The following CD163L1 variants were observed in gnomAD, a reference collection of about 807,000 sequenced individuals.
CD163L1 encodes scavenger receptor cysteine-rich type 1 protein M160.
CD163L1 carries 124 observed loss-of-function variants against 165.4 expected under a neutral mutation model. The observed-to-expected ratio is 0.75, with a 90% CI of 0.65 to 0.87. CD163L1 has a LOEUF of 0.87. Among genes scored for constraint, CD163L1 ranks in the 40% least tolerant of loss-of-function variants. The pLI is 0.00. For synonymous variants in CD163L1, 585 were observed against 662.2 expected, an observed-to-expected ratio of 0.88 and a Z score of 1.79; for missense variants, 1,525 against 1,799.9, an observed-to-expected ratio of 0.85 and a Z score of 2.76.
At chr12:7,439,022 T>C (rs1447671918) in intron 2 of CD163L1, 3 of 1,606,116 alleles carry the variant, frequency 1.9e-6, no homozygotes, top group Non-Finnish European at 2.5e-6. Flanking sequence ...GCCTCTGACA[T>C]CGGTATCCTC....
chr12:7,441,671 G>C (rs933332153), intron 1 of CD163L1, among the ~76,000 whole-genome samples: 1 of 152,066 alleles, frequency 6.6e-6, no homozygotes, highest in African/African-American at 2.4e-5. Flanking sequence ...TATGACATAT[G>C]TACCCGATCT....
intron 8 of CD163L1, among the ~76,000 whole-genome samples, chr12:7,381,922 TG>T (rs1947417201): frequency 6.6e-6 from 1 of 150,812 alleles, no homozygotes; most frequent in Non-Finnish European, 1.5e-5. Flanking sequence ...CATAAAAAGG[TG>T]ACATCATATT....
At chr12:7,435,117 T>C (rs958095075) in intron 2 of CD163L1, among the ~76,000 whole-genome samples, 64 of 152,248 alleles carry the variant, frequency 4.2e-4, no homozygotes, top group African/African-American at 1.5e-3. Context: ...TATATTCTAA[T>C]ATGATTGATA....
At chr12:7,337,592 A>G in the CD163L1 span, among the ~76,000 whole-genome samples, 1 of 152,198 alleles carries the variant, frequency 6.6e-6, no homozygotes, top group African/African-American at 2.4e-5. Flanking sequence ...GTCATTAGAG[A>G]AATGCAAATC....
intron 4 of CD163L1, among the ~76,000 whole-genome samples, chr12:7,419,494 A>G (rs1244029158): frequency 6.6e-6 from 1 of 151,876 alleles, no homozygotes; most frequent in East Asian, 1.9e-4. Flanking sequence ...CATAGTACTG[A>G]AAGCCTTAGC....
chr12:7,322,541 G>T, the CD163L1 span: 1 of 1,612,794 alleles, frequency 6.2e-7, no homozygotes, highest in Admixed American at 1.7e-5. Flanking sequence ...AGACGGAAGT[G>T]GTATATCTAA....
chr12:7,444,006 A>G (rs1414520756), intron 1 of CD163L1, 91 bp downstream of exon 1: 5 of 1,249,434 alleles, frequency 4.0e-6, no homozygotes, highest in Non-Finnish European at 3.5e-6. Context: ...TTACCTTACT[A>G]CATAATATTT....
At chr12:7,437,271 T>TTTAAA (rs1565820231) in intron 2 of CD163L1, among the ~76,000 whole-genome samples, 1 of 10,706 alleles carries the variant, frequency 9.3e-5, no homozygotes, top group Non-Finnish European at 7.6e-4. Context: ...TTTAAAAGTA[T>TTTAAA]TACTTTTTAT....
the CD163L1 span, among the ~76,000 whole-genome samples, chr12:7,321,887 A>G: frequency 6.6e-6 from 1 of 152,238 alleles, no homozygotes; most frequent in Non-Finnish European, 1.5e-5. Flanking sequence ...TGTAAGTGAC[A>G]TGCTTGGTGA....
rs1387093050 is a variant in CD163L1 at position 7,374,669 on chromosome 12, C to T, written c.3182G>A (p.Cys1061Tyr). Residue 1061 changes from cysteine (C) to tyrosine (Y), a missense_variant, in exon 13 of 20, where the codon TGT becomes TAT. Cys to Tyr is a radical substitution (Grantham distance 194). Coordinates refer to ENST00000313599, the MANE Select transcript of CD163L1 (RefSeq NM_174941.6). This position sits in a 1 kb window ranked among gnomAD's most constrained non-coding sequence, Gnocchi z 5.4. ...IYHDGFWGTI[C>Y]DDGWDLSDAH... ...ATCGCTCAGGTCCCAGCCGTCATCA[C>T]AGATGGTGCCCCAGAAGCCGTCGTG... 6.2e-7 allele frequency: 1 copy of T among 1,614,128 alleles called. No individual in the cohort carries two copies. Among genetic ancestry groups the T allele is most frequent in the Non-Finnish European group, 8.5e-7 (1 of 1,180,052 alleles).
chr12:7,429,192 T>C (rs1948591392), intron 4 of CD163L1, among the ~76,000 whole-genome samples: 1 of 152,038 alleles, frequency 6.6e-6, no homozygotes, highest in Non-Finnish European at 1.5e-5. Context: ...AATTAAAACA[T>C]ATTTTAGGTT....
chr12:7,362,116 TAA>T (rs1156534118), intron 18 of CD163L1, among the ~76,000 whole-genome samples: 3 of 147,788 alleles, frequency 2.0e-5, no homozygotes, highest in South Asian at 2.1e-4. Flanking sequence ...TTTATATATA[TAA>T]GGTACACTTG....
Position 7,369,714 on chromosome 12 carries a change from G to T in CD163L1, c.3731-49C>A, listed in dbSNP as rs1292200715. On this transcript the variant is annotated intron_variant, in intron 14 of 19. Transcript: ENST00000313599. The surrounding 1 kb of genome is among the most constrained non-coding windows in gnomAD (Gnocchi z 4.9). The stretch of plus-strand genomic sequence containing the variant: ...GTCTTTACTCCTGAAGGAGGTTGTG[G>T]GAGAATGCTGAGGTAGAAAAACTTG... The T allele has an allele frequency of 1.1e-5, 17 of 1,545,950 alleles. No individual in the cohort carries two copies. Among genetic ancestry groups the T allele is most frequent in the Non-Finnish European group, 1.4e-5 (16 of 1,132,452 alleles).
At chr12:7,335,277 C>T in the CD163L1 span, among the ~76,000 whole-genome samples, 13 of 152,322 alleles carry the variant, frequency 8.5e-5, no homozygotes, top group African/African-American at 2.9e-4. Flanking sequence ...CAGCATGGTA[C>T]TGGTACCAAA....
chr12:7,388,926 A>C (rs1001600569), intron 8 of CD163L1, among the ~76,000 whole-genome samples: 1 of 152,174 alleles, frequency 6.6e-6, no homozygotes, highest in Admixed American at 6.5e-5. Context: ...TGTTGTTGCA[A>C]ATCATTGAAT....
intron 7 of CD163L1, among the ~76,000 whole-genome samples, chr12:7,396,854 C>G (rs28666734): frequency 7.0e-6 from 1 of 143,804 alleles, no homozygotes; most frequent in African/African-American, 2.5e-5. Context: ...TGCACACACA[C>G]ACAGAGAGAG....
chr12:7,405,709 T>C (rs1948002284), intron 5 of CD163L1, among the ~76,000 whole-genome samples: 1 of 152,206 alleles, frequency 6.6e-6, no homozygotes, highest in African/African-American at 2.4e-5. Flanking sequence ...TAAGGCATCC[T>C]GTGTAAGGCT....
the CD163L1 span, chr12:7,324,510 G>A: frequency 6.2e-7 from 1 of 1,613,920 alleles, no homozygotes; most frequent in Non-Finnish European, 8.5e-7. Flanking sequence ...TACCGTATTG[G>A]GCCATTTGAA....
At chr12:7,344,087 G>GTT (rs1399163217), downstream of CD163L1, among the ~76,000 whole-genome samples, 2 of 149,534 alleles carry the variant, frequency 1.3e-5, no homozygotes, top group Non-Finnish European at 1.5e-5. Context: ...CTTTTTTTTT[G>GTT]TTTGTTTTTT....
Sources: gnomAD v4.1 joint callset for allele counts (sites outside exome capture counted in the v4.1 genomes callset) on GRCh38, gnomAD v4.1.1 for gene constraint, Gnocchi (gnomAD v3.1) non-coding constraint, MANE v1.5 for transcripts, NCBI Gene and HGNC (gene_info 2026-07-23, HGNC 2026-07-21) for gene names.